The following FER1L6 variants were observed in gnomAD, a reference collection of about 807,000 sequenced individuals.
The protein encoded by FER1L6 is fer-1-like protein 6.
A neutral mutation model predicts 219.2 loss-of-function variants in FER1L6; 177 were observed. The ratio of observed to expected loss-of-function variants is 0.81; its 90% confidence interval spans 0.71 to 0.91. The LOEUF (loss-of-function observed/expected upper bound fraction) is 0.91. FER1L6 is among the 40% of genes least tolerant of loss of function. The probability of loss-of-function intolerance (pLI) is 0.00; values close to 1 mark genes in which losing one functional copy is unlikely to be tolerated. For missense variants in FER1L6, 2,153 were observed against 2,259.9 expected (o/e 0.95, Z 0.96); for synonymous variants, 768 against 824.3 (o/e 0.93, Z 1.17).
Position 124,058,404 on chromosome 8 carries a change from C to A in FER1L6, c.2875-1776C>A, listed in dbSNP as rs181291983. ...ATTTCTTACTATTTTGTCTTTATAA[C>A]AATCGCTTGTTTTTCCCTGGCCTAT... On this transcript the variant is annotated intron_variant, in intron 22 of 40. Transcript: ENST00000522917. Among the ~76,000 whole-genome samples, 14 of 152,348 alleles carry A rather than the reference C, an allele frequency of 9.2e-5. No homozygotes were observed. The East Asian group carries it at 2.7e-3, about 29-fold the overall frequency.
At chr8:123,930,795 A>G (rs1221814662) in intron 1 of FER1L6, among the ~76,000 whole-genome samples, 1 of 152,216 alleles carries the variant, frequency 6.6e-6, no homozygotes, top group Non-Finnish European at 1.5e-5. Context: ...GTAGGACTTA[A>G]TAAGCAGATG....
chr8:123,895,190 T>C (rs1227259430), intron 1 of FER1L6, among the ~76,000 whole-genome samples: 1 of 152,222 alleles, frequency 6.6e-6, no homozygotes, highest in Non-Finnish European at 1.5e-5. Context: ...AATTAAGAGA[T>C]GTTTTACAAC....
chr8:124,079,317 C>T (rs1821430071), intron 32 of FER1L6, among the ~76,000 whole-genome samples: 1 of 152,158 alleles, frequency 6.6e-6, no homozygotes, highest in Admixed American at 6.5e-5. Context: ...ACAATTCAAC[C>T]CATAGCAATA....
intron 11 of FER1L6, among the ~76,000 whole-genome samples, chr8:123,982,722 G>C (rs544857863): frequency 4.5e-4 from 69 of 152,332 alleles, no homozygotes; most frequent in Non-Finnish European, 9.4e-4. Context: ...CCATCAAGGC[G>C]AGGGCAGGGG....
chr8:124,092,591 CAGA>C (rs1222218800), intron 34 of FER1L6, among the ~76,000 whole-genome samples: 1 of 152,158 alleles, frequency 6.6e-6, no homozygotes, highest in Non-Finnish European at 1.5e-5. Flanking sequence ...TTTAATTATA[CAGA>C]AGAATTCTCA....
chr8:123,976,242 C>T (rs917617350), intron 9 of FER1L6, among the ~76,000 whole-genome samples, 158 bp downstream of exon 9: 1 of 152,192 alleles, frequency 6.6e-6, no homozygotes, highest in African/African-American at 2.4e-5. Flanking sequence ...TGGCTCACAC[C>T]TGTAATCCCA....
In FER1L6 at chr8:123,986,091, A is replaced by T. The variant is rs369126232; in HGVS notation, c.1434A>T (p.Glu478Asp). The T allele has an allele frequency of 2.4e-5, 38 of 1,612,158 alleles. No individual in the cohort carries two copies. In the African/African-American group the frequency reaches 4.7e-4, roughly 20 times the overall value. Residue 478 changes from glutamate to aspartate, a missense_variant, in exon 12 of 41, where the codon GAA becomes GAT. Physicochemically the swap from Glu to Asp is conservative, Grantham distance 45 (BLOSUM62 2). Coordinates refer to ENST00000522917, the MANE Select transcript of FER1L6 (RefSeq NM_001039112.2). ...AGATTGTACCAGAAAAAAATGAGGA[A>T]TTTTTACTCTTTGGAGCATTTTTTG... ...PPEIVPEKNE[E>D]FLLFGAFFEA...
At chr8:124,034,849 CAG>C (rs1819129461) in intron 18 of FER1L6, among the ~76,000 whole-genome samples, 1 of 152,174 alleles carries the variant, frequency 6.6e-6, no homozygotes, top group Admixed American at 6.5e-5. Context: ...CTATGGGGTT[CAG>C]AGTCTAGAGT....
At chr8:124,056,109 G>A (rs781467540) in intron 22 of FER1L6, among the ~76,000 whole-genome samples, 1 of 152,110 alleles carries the variant, frequency 6.6e-6, no homozygotes, top group Non-Finnish European at 1.5e-5. Context: ...CATTCCAAGA[G>A]CCTTAATTTA....
At chr8:124,008,870 A>G (rs1817786728) in intron 13 of FER1L6, among the ~76,000 whole-genome samples, 2 of 152,248 alleles carry the variant, frequency 1.3e-5, no homozygotes, top group South Asian at 4.1e-4. Flanking sequence ...ATATGAAAAA[A>G]TGCTCAACAT....
In FER1L6 at chr8:124,060,685, C is replaced by T. The variant is rs1326487301; in HGVS notation, c.3123C>T (p.Ser1041=). 8 of 1,614,092 alleles carry T rather than the reference C, an allele frequency of 5.0e-6. No individual in the cohort carries two copies. The highest frequency in any genetic ancestry group is 1.7e-5 in the Admixed American group (1 of 60,030). Reference sequence around the variant, plus strand: ...GCTACAAGAACAACCCGAACTTCAGCATCCAGGCAGACGCTTTCGAAGTGG... The same window carrying T: ...GCTACAAGAACAACCCGAACTTCAGTATCCAGGCAGACGCTTTCGAAGTGG... ...IQSYKNNPNF[S]IQADAFEVEL... is the part of the protein sequence containing the mutation. The change falls in exon 24 of 41, where the codon AGC becomes AGT. Residue 1041 remains serine (S), a synonymous_variant. Coordinates refer to ENST00000522917, the MANE Select transcript of FER1L6 (RefSeq NM_001039112.2).
intron 15 of FER1L6, among the ~76,000 whole-genome samples, chr8:124,017,339 G>T (rs1022074705): frequency 1.3e-5 from 2 of 152,060 alleles, no homozygotes; most frequent in Non-Finnish European, 1.5e-5. Flanking sequence ...ACAGTATTTT[G>T]TGGGTTTTGT....
chr8:123,965,938 G>A (rs541632786), intron 3 of FER1L6, 69 bp from the exon 4 acceptor site: 1 of 1,309,088 alleles, frequency 7.6e-7, no homozygotes, highest in Admixed American at 1.9e-5. Context: ...AAATACTTTG[G>A]AGAATATTAT....
chr8:123,995,685 G>A (rs10095124), intron 12 of FER1L6, among the ~76,000 whole-genome samples: 50 of 151,948 alleles, frequency 3.3e-4, no homozygotes, highest in African/African-American at 1.2e-3. Flanking sequence ...GCTCTGCTCT[G>A]TATTTCTTTC....
intron 1 of FER1L6, among the ~76,000 whole-genome samples, chr8:123,897,448 C>T (rs979419422): frequency 2.6e-5 from 4 of 152,146 alleles, no homozygotes; most frequent in African/African-American, 9.7e-5. Flanking sequence ...AATCTGTTGA[C>T]AAATGGAGAC....
intron 18 of FER1L6, among the ~76,000 whole-genome samples, chr8:124,031,156 C>G (rs557316796): frequency 2.6e-5 from 4 of 151,878 alleles, no homozygotes; most frequent in African/African-American, 9.7e-5. Flanking sequence ...GGTGTAGGAG[C>G]CAAGGGAGAG....
chr8:124,038,416 C>T (rs4871453), intron 19 of FER1L6, among the ~76,000 whole-genome samples: 124,624 of 152,262 alleles, frequency 0.82, 51,330 homozygotes, highest in Non-Finnish European at 0.87. Context: ...CATTTTGCCA[C>T]GTGTACCTCT....
At chr8:124,099,813 C>T (rs1822476697) in intron 37 of FER1L6, among the ~76,000 whole-genome samples, 1 of 152,166 alleles carries the variant, frequency 6.6e-6, no homozygotes, top group African/African-American at 2.4e-5. Context: ...ATACCACATG[C>T]CCCCTTGCTC....
intron 1 of FER1L6, among the ~76,000 whole-genome samples, chr8:123,859,025 G>C (rs1264485431): frequency 6.6e-6 from 1 of 151,784 alleles, no homozygotes; most frequent in Non-Finnish European, 1.5e-5. Flanking sequence ...TTTTGAGACG[G>C]AGTCTCATTC....
Sources: allele counts gnomAD v4.1 joint callset (sites outside exome capture counted in the v4.1 genomes callset), GRCh38; gene constraint gnomAD v4.1.1; transcripts MANE v1.5; gene names NCBI Gene and HGNC (gene_info 2026-07-23, HGNC 2026-07-21).